MTHFD2L: variants seen among roughly 807,000 people sequenced by gnomAD.
MTHFD2L encodes the protein methylenetetrahydrofolate dehydrogenase (NADP+ dependent) 2 like, also known as bifunctional methylenetetrahydrofolate dehydrogenase/cyclohydrolase 2, mitochondrial.
MTHFD2L carries 29 observed loss-of-function variants against 34.9 expected under a neutral mutation model. The ratio of observed to expected loss-of-function variants is 0.83; its 90% CI spans 0.62 to 1.13. The LOEUF (loss-of-function observed/expected upper bound fraction) is 1.13, where lower values mean the gene tolerates loss of function less well. Ranked by LOEUF, MTHFD2L falls within the 50% of genes most tolerant of loss-of-function variation. The pLI is 0.00. For missense variants in MTHFD2L, 481 were observed against 446.5 expected, an observed-to-expected ratio of 1.08 and a Z score of -0.70; for synonymous variants, 167 against 155.7, an observed-to-expected ratio of 1.07 and a Z score of -0.54.
At chr4:74,125,017 G>C (rs1721974415), upstream of MTHFD2L, among the ~76,000 whole-genome samples, 1 of 151,954 alleles carries the variant, frequency 6.6e-6, no homozygotes, top group Non-Finnish European at 1.5e-5. Flanking sequence ...TGTCTCCCTT[G>C]CTTCTGAATT....
At chr4:74,231,996 A>T (rs2110141614) in intron 6 of MTHFD2L, among the ~76,000 whole-genome samples, 1 of 152,354 alleles carries the variant, frequency 6.6e-6, no homozygotes, top group Non-Finnish European at 1.5e-5. Flanking sequence ...TATTGCAAAT[A>T]TTCAATAAGT....
intron 1 of MTHFD2L, among the ~76,000 whole-genome samples, chr4:74,151,919 T>G (rs1194313035): frequency 6.6e-6 from 1 of 152,190 alleles, no homozygotes; most frequent in Non-Finnish European, 1.5e-5. Flanking sequence ...ATCTGAAATA[T>G]TTTTATATCT....
intron 5 of MTHFD2L, among the ~76,000 whole-genome samples, chr4:74,203,640 C>T (rs1343630182): frequency 6.6e-6 from 1 of 152,088 alleles, no homozygotes; most frequent in East Asian, 1.9e-4. Context: ...GTGCCATACA[C>T]TTTTAAACAA....
upstream of MTHFD2L, chr4:74,123,525 A>G (rs2109780425): frequency 6.6e-6 from 1 of 152,312 alleles, no homozygotes; most frequent in African/African-American, 2.4e-5. Flanking sequence ...ATTAAAACAA[A>G]AAAAAATCCC....
In MTHFD2L at chr4:74,175,323, A is replaced by T. The variant is rs758844844; in HGVS notation, c.371A>T (p.Gln124Leu). Residue 124 changes from glutamine (Q) to leucine (L), a missense_variant, in exon 3 of 8, where the codon CAG becomes CTG. Gln to Leu is a moderately radical substitution (Grantham distance 113). Transcript: ENST00000325278. Reference protein sequence around the residue: ...ELILKPKDVSQEELLDVTDQL... With the variant: ...ELILKPKDVSLEELLDVTDQL... The stretch of plus-strand genomic sequence containing the variant: ...ATTCTAAAACCTAAGGATGTTTCTC[A>T]GGAAGAACTTTTGGACGTAACTGAT... 8.1e-6 allele frequency: 13 copies of T among 1,613,124 alleles called. No individual in the cohort carries two copies. The highest frequency in any genetic ancestry group is 1.6e-4 in the Middle Eastern group (1 of 6,076).
At chr4:74,246,623 A>G (rs1457136660) in intron 6 of MTHFD2L, among the ~76,000 whole-genome samples, 2 of 152,188 alleles carry the variant, frequency 1.3e-5, no homozygotes, top group Non-Finnish European at 2.9e-5. Context: ...TCTAACATTT[A>G]AGTCTTTAAT....
chr4:74,282,327 G>A (rs1410887385), intron 7 of MTHFD2L, among the ~76,000 whole-genome samples: 2 of 152,054 alleles, frequency 1.3e-5, no homozygotes, highest in Non-Finnish European at 2.9e-5. Flanking sequence ...TTTTATGTTA[G>A]AAATATTTTT....
intron 5 of MTHFD2L, among the ~76,000 whole-genome samples, chr4:74,202,727 T>A (rs1367942976): frequency 6.6e-6 from 1 of 152,198 alleles, no homozygotes; most frequent in Non-Finnish European, 1.5e-5. Context: ...ATTTATTACT[T>A]CTAATCTTTC....
At chr4:74,118,896 G>A (rs770007605), upstream of MTHFD2L, among the ~76,000 whole-genome samples, 6 of 152,204 alleles carry the variant, frequency 3.9e-5, no homozygotes, top group Non-Finnish European at 7.3e-5. Context: ...TGTGAACTGC[G>A]CATGAGAGGG....
intron 7 of MTHFD2L, among the ~76,000 whole-genome samples, chr4:74,284,137 G>T (rs1212860982): frequency 6.6e-6 from 1 of 152,094 alleles, no homozygotes; most frequent in Non-Finnish European, 1.5e-5. Context: ...AAAACTGGAT[G>T]ACCCCGTTAA....
upstream of MTHFD2L, chr4:74,158,029 C>A: frequency 6.8e-7 from 1 of 1,473,030 alleles, no homozygotes; most frequent in Non-Finnish European, 9.2e-7. Context: ...GGCTGGGAAG[C>A]GCTACTTGCT....
intron 1 of MTHFD2L, chr4:74,125,522 G>A (rs1722005561): frequency 6.6e-6 from 1 of 152,172 alleles, no homozygotes. Flanking sequence ...AAGGAGGTGA[G>A]TTAGTTTTTC....
At chr4:74,267,945 T>A (rs1745517430) in intron 6 of MTHFD2L, 1 of 985,138 alleles carries the variant, frequency 1.0e-6, no homozygotes, top group Non-Finnish European at 1.2e-6. Flanking sequence ...CCTAGCACCA[T>A]CCTGGTACCA....
chr4:74,190,490 C>T (rs1732283453), intron 3 of MTHFD2L: 1 of 985,222 alleles, frequency 1.0e-6, no homozygotes, highest in Non-Finnish European at 1.2e-6. Flanking sequence ...GGTGGAGAAC[C>T]AGACCCACCT....
At chr4:74,146,268 A>G (rs1474044415) in intron 1 of MTHFD2L, among the ~76,000 whole-genome samples, 4 of 152,192 alleles carry the variant, frequency 2.6e-5, no homozygotes, top group African/African-American at 9.6e-5. Context: ...TTTCTAAGAT[A>G]TTATCAGACA....
intron 4 of MTHFD2L, among the ~76,000 whole-genome samples, chr4:74,200,342 G>GA (rs544570005): frequency 1.7e-4 from 25 of 149,738 alleles, no homozygotes; most frequent in African/African-American, 3.7e-4. Context: ...AAAACAAACA[G>GA]AAAAAAAAAT....
intron 6 of MTHFD2L, among the ~76,000 whole-genome samples, chr4:74,271,792 C>T (rs530212819): frequency 2.0e-4 from 31 of 152,306 alleles, no homozygotes; most frequent in African/African-American, 7.2e-4. Flanking sequence ...TTGATTCTTC[C>T]TATCCATGAG....
chr4:74,204,716 A>C (rs1735007553), intron 5 of MTHFD2L, among the ~76,000 whole-genome samples: 1 of 152,136 alleles, frequency 6.6e-6, no homozygotes, highest in African/African-American at 2.4e-5. Context: ...TACCTATCAA[A>C]ATTTATTTAC....
chr4:74,212,842 G>C lies in MTHFD2L; in HGVS notation c.712+11472G>C, dbSNP rs1293231587. ...GTGTGGGAGTCTAACTCTCTCTGTA[G>C]GTCTCTAAAAACTTGCTTATGAATC... is the stretch of plus-strand genomic sequence containing the variant. On this transcript the variant is annotated intron_variant, in intron 5 of 7. Transcript: ENST00000325278. Among the ~76,000 whole-genome samples, 4 of 152,000 alleles carry C rather than the reference G, an allele frequency of 2.6e-5. 1 individual carries two copies. The highest frequency in any genetic ancestry group is 5.9e-5 in the Non-Finnish European group (4 of 68,000).
Sources: gnomAD v4.1 joint callset for allele counts (sites outside exome capture counted in the v4.1 genomes callset) on GRCh38, gnomAD v4.1.1 for gene constraint, MANE v1.5 for transcripts, NCBI Gene and HGNC (gene_info 2026-07-23, HGNC 2026-07-21) for gene names.